The following ANK1 variants were observed in gnomAD, a reference collection of about 807,000 sequenced individuals.
ANK1 encodes the protein ankyrin-1.
In ANK1, 51 loss-of-function variants were observed where a neutral mutation model predicts 210.4. The observed-to-expected ratio is 0.24, with a 90% CI of 0.19 to 0.31. The LOEUF (loss-of-function observed/expected upper bound fraction) is 0.31. Among genes scored for constraint, ANK1 ranks in the 10% least tolerant of loss-of-function variants. ANK1 has a pLI of 1.00. For missense variants in ANK1, 2,051 were observed against 2,504.4 expected (o/e 0.82, Z 3.86); for synonymous variants, 967 against 1,025.9 (o/e 0.94, Z 1.10).
At chr8:41,881,637 CT>C (rs1377510330) in intron 1 of ANK1, among the ~76,000 whole-genome samples, 1 of 152,212 alleles carries the variant, frequency 6.6e-6, no homozygotes, top group African/African-American at 2.4e-5. Context: ...CACTTTTTTC[CT>C]CTTAGGTACT....
chr8:41,690,707 G>GAGGCATGCGGGTGTGTGCTGAGAAATCCA, intron 31 of ANK1, 108 bp from the exon 32 acceptor site: 2 of 1,503,380 alleles, frequency 1.3e-6, no homozygotes, highest in African/African-American at 2.7e-5. Flanking sequence ...GCCTCAGCAA[G>GAGGCATGCGGGTGTGTGCTGAGAAATCCA]AGGCATGCGG....
chr8:41,888,322 C>G (rs557267434), intron 1 of ANK1, among the ~76,000 whole-genome samples: 1 of 152,344 alleles, frequency 6.6e-6, no homozygotes, highest in African/African-American at 2.4e-5. Context: ...TAGGTACACA[C>G]GTATACACAC....
chr8:41,744,512 T>A (rs1271864125), intron 2 of ANK1, among the ~76,000 whole-genome samples: 3 of 148,918 alleles, frequency 2.0e-5, no homozygotes, highest in Non-Finnish European at 4.4e-5. Flanking sequence ...TCCCCAGGAG[T>A]GGGGAGGGAG....
chr8:41,713,301 C>G (rs974457865), intron 16 of ANK1, among the ~76,000 whole-genome samples: 6 of 152,246 alleles, frequency 3.9e-5, no homozygotes, highest in Non-Finnish European at 5.9e-5. Flanking sequence ...TCTCCTCTCC[C>G]CTTCTCCCCG....
At chr8:41,733,681 C>T (rs771308662) in intron 3 of ANK1, among the ~76,000 whole-genome samples, 12 of 152,092 alleles carry the variant, frequency 7.9e-5, no homozygotes, top group Non-Finnish European at 1.6e-4. Context: ...CTTCCAGAGC[C>T]CTTGGACACT....
rs539615645 is a variant in ANK1, at chr8:41,880,661, C to A, written c.126+15694G>T. 7.2e-5 allele frequency among the ~76,000 whole-genome samples: 11 copies of A among 152,358 alleles called. No homozygotes were observed. The South Asian group carries it at 2.3e-3, about 32-fold the overall frequency. On this transcript the variant is annotated intron_variant, in intron 1 of 42. Transcript: ENST00000265709. ...GCAAACACCTGAGCTGCGCGAGGCA[C>A]ACAAAGAGCACTAATTAGGGCACTG... is the stretch of plus-strand genomic sequence containing the variant.
chr8:41,835,856 C>T (rs1438849709), intron 1 of ANK1, among the ~76,000 whole-genome samples: 1 of 152,220 alleles, frequency 6.6e-6, no homozygotes, highest in African/African-American at 2.4e-5. Context: ...CAGGGTCAGG[C>T]ACATTGTCAC....
chr8:41,733,939 T>C lies in ANK1; in HGVS notation c.228+32A>G, dbSNP rs538681077. Reference sequence around the variant, plus strand: ...AGGACTCACAAACTTGAATTTTCAATGCAAAGCTCCCCCACTCCCTGTGAG... The same window carrying C: ...AGGACTCACAAACTTGAATTTTCAACGCAAAGCTCCCCCACTCCCTGTGAG... On this transcript the variant is annotated intron_variant, in intron 3 of 42. Coordinates refer to ENST00000289734, the MANE Select transcript of ANK1 (RefSeq NM_000037.4). The C allele has an allele frequency of 1.9e-5, 31 of 1,592,850 alleles. No homozygotes were observed. In the East Asian group the frequency reaches 4.2e-4, roughly 22 times the overall value.
In ANK1 at chr8:41,655,013, G is replaced by A. The variant is rs926699725; in HGVS notation, c.*777C>T. ...ATGATTTTCCATTGGAAGATGATTC[G>A]TATTGAAATTGGCAGAGAGAGAGAC... On this transcript the variant is annotated 3_prime_UTR_variant, in exon 43 of 43. Coordinates refer to ENST00000289734, the MANE Select transcript of ANK1 (RefSeq NM_000037.4). The A allele has an allele frequency of 6.6e-6, 1 of 152,502 alleles. No individual in the cohort carries two copies. The highest frequency in any genetic ancestry group is 1.5e-5 in the Non-Finnish European group (1 of 68,086). The allele number at this position is 152,502 out of a possible 1,614,324, so 9.4% of individuals were successfully genotyped here.
At chr8:41,852,979 A>T (rs982643910) in intron 1 of ANK1, among the ~76,000 whole-genome samples, 1 of 152,224 alleles carries the variant, frequency 6.6e-6, no homozygotes, top group African/African-American at 2.4e-5. Flanking sequence ...TTCTTTGTCC[A>T]TATGTGGTGG....
chr8:41,870,810 C>A (rs182599803), intron 1 of ANK1, among the ~76,000 whole-genome samples: 2 of 152,342 alleles, frequency 1.3e-5, no homozygotes, highest in Admixed American at 1.3e-4. Flanking sequence ...GGCACCTGGG[C>A]TCCGCTTGGC....
intron 1 of ANK1, among the ~76,000 whole-genome samples, chr8:41,760,804 G>C (rs1457155732): frequency 6.6e-6 from 1 of 152,078 alleles, no homozygotes; most frequent in Admixed American, 6.5e-5. Flanking sequence ...CATATGACAA[G>C]CCACACATGG....
chr8:41,832,481 C>T (rs1247558054), intron 1 of ANK1, among the ~76,000 whole-genome samples: 8 of 152,222 alleles, frequency 5.3e-5, no homozygotes, highest in African/African-American at 1.4e-4. Flanking sequence ...GCCCTGCCCA[C>T]CTTCTGGCCA....
chr8:41,757,183 G>C (rs932866976), intron 2 of ANK1, among the ~76,000 whole-genome samples: 3 of 152,190 alleles, frequency 2.0e-5, no homozygotes, highest in African/African-American at 7.2e-5. Context: ...GTTAAGACAG[G>C]AAATTCTATG....
intron 1 of ANK1, among the ~76,000 whole-genome samples, chr8:41,834,814 G>C (rs1807318785): frequency 6.6e-6 from 1 of 152,236 alleles, no homozygotes; most frequent in African/African-American, 2.4e-5. Context: ...AGCATGCAAA[G>C]GCCACATCCT....
intron 1 of ANK1, among the ~76,000 whole-genome samples, chr8:41,771,498 C>A (rs1363718640): frequency 1.3e-5 from 2 of 152,210 alleles, no homozygotes; most frequent in Non-Finnish European, 2.9e-5. Context: ...ATTTAGTGTG[C>A]TAAGAACTTG....
chr8:41,799,059 A>G (rs571575641), upstream of ANK1, among the ~76,000 whole-genome samples: 24 of 152,282 alleles, frequency 1.6e-4, no homozygotes, highest in South Asian at 5.0e-3. Flanking sequence ...CAGAGCTGAC[A>G]GAGTTCTAGG....
intron 1 of ANK1, among the ~76,000 whole-genome samples, chr8:41,835,558 GCA>G (rs2150800711): frequency 6.6e-6 from 1 of 152,292 alleles, no homozygotes; most frequent in South Asian, 2.1e-4. Flanking sequence ...AGAGGCTTCC[GCA>G]GAAAACATCC....
intron 2 of ANK1, among the ~76,000 whole-genome samples, chr8:41,753,901 A>T (rs1442259924): frequency 6.6e-6 from 1 of 152,118 alleles, no homozygotes; most frequent in African/African-American, 2.4e-5. Flanking sequence ...GGCTTTGCAC[A>T]GGCTGCTCTC....
Sources: allele counts gnomAD v4.1 joint callset (sites outside exome capture counted in the v4.1 genomes callset), GRCh38; gene constraint gnomAD v4.1.1; transcripts MANE v1.5; gene names NCBI Gene and HGNC (gene_info 2026-07-23, HGNC 2026-07-21).